The following POU3F3 variants were observed in gnomAD, a reference collection of about 807,000 sequenced individuals.
POU3F3 encodes the protein POU domain, class 3, transcription factor 3.
POU3F3 carries 1 observed loss-of-function variant against 8.6 expected under a neutral mutation model. That is an observed-to-expected ratio of 0.12 (90% CI 0.04 to 0.55). The LOEUF is 0.55. POU3F3 is among the 20% of genes least tolerant of loss of function. The probability of loss-of-function intolerance (pLI) is 0.91; values close to 1 mark genes in which losing one functional copy is unlikely to be tolerated. For synonymous variants in POU3F3, 418 were observed against 327.4 expected (o/e 1.28, Z -2.99); for missense variants, 577 against 690.7 (o/e 0.84, Z 1.84).
chr2:104,885,438 C>A, the POU3F3 span, among the ~76,000 whole-genome samples: 1 of 152,324 alleles, frequency 6.6e-6, no homozygotes, highest in Non-Finnish European at 1.5e-5. Flanking sequence ...GTCACAAAGA[C>A]CTTGCTCATA....
chr2:104,889,116 T>TACTGA, the POU3F3 span, among the ~76,000 whole-genome samples: 2 of 152,244 alleles, frequency 1.3e-5, no homozygotes, highest in African/African-American at 4.8e-5. Context: ...GAGGCTGTGC[T>TACTGA]ACTGAATGTT....
At chr2:104,878,633 G>C in the POU3F3 span, among the ~76,000 whole-genome samples, 1 of 152,122 alleles carries the variant, frequency 6.6e-6, no homozygotes, top group Admixed American at 6.5e-5. Flanking sequence ...ACAAGGCTGG[G>C]GCAAATCCTG....
chr2:104,890,469 G>A, the POU3F3 span, among the ~76,000 whole-genome samples: 1 of 152,074 alleles, frequency 6.6e-6, no homozygotes, highest in Non-Finnish European at 1.5e-5. Flanking sequence ...CATCTCAGAG[G>A]AGAGCGACCT....
chr2:104,861,451 G>A (rs1240380472), downstream of POU3F3, among the ~76,000 whole-genome samples: 1 of 152,160 alleles, frequency 6.6e-6, no homozygotes, highest in African/African-American at 2.4e-5. Flanking sequence ...GCACGTGGCT[G>A]GCTGCAAGGA....
chr2:104,888,559 A>C, the POU3F3 span, among the ~76,000 whole-genome samples: 3 of 152,168 alleles, frequency 2.0e-5, no homozygotes, highest in Non-Finnish European at 4.4e-5. Context: ...AATGTCTTTC[A>C]AGGCATGGTT....
At chr2:104,927,226 C>A in the POU3F3 span, among the ~76,000 whole-genome samples, 2 of 152,192 alleles carry the variant, frequency 1.3e-5, no homozygotes, top group African/African-American at 4.8e-5. Flanking sequence ...ACCCTAACCA[C>A]CTCTTAATAC....
the POU3F3 span, among the ~76,000 whole-genome samples, chr2:104,925,518 C>A: frequency 1.3e-5 from 2 of 152,052 alleles, no homozygotes; most frequent in Non-Finnish European, 2.9e-5. Flanking sequence ...GCCACTGGAC[C>A]AACTAAACAG....
the POU3F3 span, among the ~76,000 whole-genome samples, chr2:104,896,867 C>G: frequency 1.3e-3 from 191 of 152,350 alleles, no homozygotes; most frequent in African/African-American, 4.1e-3. Context: ...GATCTGGATG[C>G]CTGCTTGGGA....
chr2:104,864,177 G>C, the POU3F3 span, among the ~76,000 whole-genome samples: 1 of 152,248 alleles, frequency 6.6e-6, no homozygotes, highest in Non-Finnish European at 1.5e-5. Flanking sequence ...GTGTGCGGGC[G>C]CCGGCAGCAG....
chr2:104,912,219 CT>C, the POU3F3 span, among the ~76,000 whole-genome samples: 2 of 152,162 alleles, frequency 1.3e-5, no homozygotes, highest in African/African-American at 4.8e-5. Flanking sequence ...AGCACAGAAC[CT>C]AGCGCATTGT....
chr2:104,860,332 T>C (rs1676639423), downstream of POU3F3, among the ~76,000 whole-genome samples: 1 of 152,172 alleles, frequency 6.6e-6, no homozygotes, highest in African/African-American at 2.4e-5. Context: ...AATTACAAAA[T>C]GAAATTCATG....
chr2:104,870,556 G>T, the POU3F3 span, among the ~76,000 whole-genome samples: 1 of 152,194 alleles, frequency 6.6e-6, no homozygotes, highest in Non-Finnish European at 1.5e-5. Flanking sequence ...GAAGTTCATT[G>T]TTCCAAACAC....
At chr2:104,865,575 C>T in the POU3F3 span, 4 of 152,130 alleles carry the variant, frequency 2.6e-5, no homozygotes, top group Admixed American at 2.0e-4. Flanking sequence ...ACTGCCTCTC[C>T]GCATAAGGCA....
downstream of POU3F3, among the ~76,000 whole-genome samples, chr2:104,861,271 C>T (rs536068791): frequency 3.3e-5 from 5 of 152,284 alleles, no homozygotes; most frequent in South Asian, 4.1e-4. Context: ...ACATTCTCTC[C>T]ACATGGAGTT....
the POU3F3 span, among the ~76,000 whole-genome samples, chr2:104,895,099 T>G: frequency 6.6e-6 from 1 of 151,310 alleles, no homozygotes; most frequent in African/African-American, 2.4e-5. Flanking sequence ...GTGTGTGTAT[T>G]TTCTCACTGG....
downstream of POU3F3, among the ~76,000 whole-genome samples, chr2:104,859,746 G>C (rs1395649193): frequency 6.6e-6 from 1 of 152,160 alleles, no homozygotes; most frequent in Non-Finnish European, 1.5e-5. Flanking sequence ...TTTGATTTGT[G>C]AAATCTGAAA....
the POU3F3 span, among the ~76,000 whole-genome samples, chr2:104,917,547 G>T: frequency 6.6e-6 from 1 of 152,066 alleles, no homozygotes; most frequent in African/African-American, 2.4e-5. Context: ...AATTTGGGGG[G>T]ATGGGAGTTT....
the POU3F3 span, among the ~76,000 whole-genome samples, chr2:104,899,665 C>A: frequency 6.6e-6 from 1 of 152,122 alleles, no homozygotes; most frequent in East Asian, 1.9e-4. Flanking sequence ...AAAGGAAGGG[C>A]AGATGTTTAA....
chr2:104,889,802 T>C, the POU3F3 span, among the ~76,000 whole-genome samples: 1 of 152,248 alleles, frequency 6.6e-6, no homozygotes, highest in East Asian at 1.9e-4. Flanking sequence ...AGTTTACAAC[T>C]TTCATAAACA....
Sources: allele counts gnomAD v4.1 joint callset (sites outside exome capture counted in the v4.1 genomes callset), GRCh38; gene constraint gnomAD v4.1.1; transcripts MANE v1.5; gene names NCBI Gene and HGNC (gene_info 2026-07-23, HGNC 2026-07-21).